The following CCDC102A variants were observed in gnomAD, a reference collection of about 807,000 sequenced individuals.
CCDC102A encodes the protein coiled-coil domain-containing protein 102A.
Under a neutral mutation model 55.5 loss-of-function variants are expected in CCDC102A, and 40 were observed. That is an observed-to-expected ratio of 0.72 (90% CI 0.56 to 0.94). The LOEUF (loss-of-function observed/expected upper bound fraction) is 0.94. CCDC102A is among the 40% of genes least tolerant of loss of function. The pLI, the probability that CCDC102A is intolerant of heterozygous loss-of-function variation, is 0.00. For synonymous variants in CCDC102A, 323 were observed against 339.0 expected (o/e 0.95, Z 0.52); for missense variants, 779 against 768.6 (o/e 1.01, Z -0.16).
rs1391176855 is a variant in CCDC102A at position 57,512,247 on chromosome 16, C to G, written c.*494G>C. 1 of 395,620 alleles carries G rather than the reference C, an allele frequency of 2.5e-6. No individual in the cohort carries two copies. Among genetic ancestry groups the G allele is most frequent in the Non-Finnish European group, 4.4e-6 (1 of 224,938 alleles). 24.5% of individuals were successfully genotyped at this position (395,620 alleles called of 1,614,324 possible). On this transcript the variant is annotated 3_prime_UTR_variant, in exon 9 of 9. Transcript: ENST00000258214. ...CTCTGGTTCAGCGTCAGGTGCAGGC[C>G]GATGCCGTCCCCCACAACCCCCGCC...
chr16:57,512,531 T>C lies in CCDC102A; in HGVS notation c.*210A>G, dbSNP rs72791604. ...CTGGGTGTGCGCGCGCGCGCGCGCG[T>C]GTGTGTATATATATATATAAAACAT... On this transcript the variant is annotated 3_prime_UTR_variant, in exon 9 of 9. Transcript: ENST00000258214. 6.0e-3 allele frequency: 3,021 copies of C among 500,766 alleles called. 6 individuals are homozygous for C. The highest frequency in any genetic ancestry group is 0.011 in the Middle Eastern group (22 of 1,926). 31.0% of individuals were successfully genotyped at this position (500,766 alleles called of 1,614,324 possible). A position where few individuals can be genotyped will look rare whatever the true frequency, so the allele number is the denominator to read the frequency against.
At chr16:57,521,477 T>C (rs1446316220) in intron 3 of CCDC102A, among the ~76,000 whole-genome samples, 1 of 152,232 alleles carries the variant, frequency 6.6e-6, no homozygotes, top group Non-Finnish European at 1.5e-5. Flanking sequence ...CAGGCTCATC[T>C]GAAAATGGCT....
chr16:57,516,586 C>T lies in CCDC102A; in HGVS notation c.1249-123G>A. On this transcript the variant is annotated intron_variant, in intron 6 of 8. Transcript: ENST00000258214. The surrounding 1 kb of genome is among the most constrained non-coding windows in gnomAD (Gnocchi z 4.4). ...GCTGGGTGTCTCTCCTTCCCAGAAT[C>T]TCTCCATCTGTTGTCTGAAGTATCA... 1.3e-6 allele frequency: 1 copy of T among 775,956 alleles called. No individual in the cohort carries two copies. The highest frequency in any genetic ancestry group is 2.2e-5 in the Admixed American group (1 of 46,286). 48.1% of individuals were successfully genotyped at this position (775,956 alleles called of 1,614,324 possible).
rs1295297729 is a variant in CCDC102A at position 57,512,789 on chromosome 16, T to C, written c.1605A>G (p.Gly535=). 6.2e-7 allele frequency: 1 copy of C among 1,614,188 alleles called. No individual in the cohort carries two copies. The highest frequency in any genetic ancestry group is 8.5e-7 in the Non-Finnish European group (1 of 1,179,996). ...ARFGTEEAED[G]TSDLDEDEDL... is the part of the protein sequence containing the mutation. ...CCTCGTCCTCGTCCAGGTCACTGGT[T>C]CCATCCTCGGCCTCCTCGGTGCCAA... is the stretch of plus-strand genomic sequence containing the variant. The change falls in exon 9 of 9, where the codon GGA becomes GGG. Residue 535 remains glycine, a synonymous_variant. Coordinates refer to ENST00000258214, the MANE Select transcript of CCDC102A (RefSeq NM_033212.4).
chr16:57,515,350 A>C lies in CCDC102A; in HGVS notation c.1514T>G (p.Leu505Arg). ...CCTGCCCGGGGCCCACCTGGACTGC[A>C]GGTGCTCCAGTTGCACTTGCAGGTT... ...SENLQVQLEH[L>R]QSRLRRQQQN... Residue 505 changes from leucine (L) to arginine (R), a missense_variant, in exon 8 of 9, where the codon CTG (leucine) becomes CGG (arginine). By Grantham distance (102) the Leu-to-Arg change is moderately radical. Transcript: ENST00000258214. 1 of 1,593,680 alleles carries C rather than the reference A, an allele frequency of 6.3e-7. No homozygotes were observed. The highest frequency in any genetic ancestry group is 8.6e-7 in the Non-Finnish European group (1 of 1,168,244).
Position 57,516,169 on chromosome 16 carries a change from C to G in CCDC102A, c.1419+124G>C. On this transcript the variant is annotated intron_variant, in intron 7 of 8. Transcript: ENST00000258214. This position sits in a 1 kb window ranked among gnomAD's most constrained non-coding sequence, Gnocchi z 4.4. The stretch of plus-strand genomic sequence containing the variant: ...CACCTACCCACTCTATCCTGGGCGA[C>G]TCCTGAGAGACAGGCTTGTGCCAGG... The G allele has an allele frequency of 1.1e-6, 1 of 947,830 alleles. No homozygotes were observed. Among genetic ancestry groups the G allele is most frequent in the Non-Finnish European group, 1.6e-6 (1 of 634,394 alleles). 58.7% of individuals were successfully genotyped at this position (947,830 alleles called of 1,614,324 possible). A position where few individuals can be genotyped will look rare whatever the true frequency, so the allele number is the denominator to read the frequency against.
chr16:57,526,013 G>A lies in CCDC102A; in HGVS notation c.700C>T (p.Arg234Cys), dbSNP rs769113206. ...GPRGSSGRQE[R>C]SRLPWEDTAA... ...GTGTCCTCCCAGGGTAGCCGGCTGC[G>A]CTCCTGGCGGCCTGAGCTGCCCCGC... The change falls in exon 3 of 9, where the codon CGC becomes TGC. Residue 234 changes from arginine to cysteine, a missense_variant. Coordinates refer to ENST00000258214, the MANE Select transcript of CCDC102A (RefSeq NM_033212.4). The A allele has an allele frequency of 2.6e-5, 42 of 1,604,650 alleles. No homozygotes were observed. The highest frequency in any genetic ancestry group is 5.5e-5 in the South Asian group (5 of 90,376).
chr16:57,527,512 C>T (rs56218071), intron 2 of CCDC102A, among the ~76,000 whole-genome samples: 8,846 of 149,068 alleles, frequency 0.059, 379 homozygotes, highest in East Asian at 0.19. Flanking sequence ...CTCCACCTCT[C>T]GGGTTAAAGC....
At chr16:57,526,975 C>T (rs1447612364) in intron 2 of CCDC102A, among the ~76,000 whole-genome samples, 2 of 152,214 alleles carry the variant, frequency 1.3e-5, no homozygotes, top group Admixed American at 6.5e-5. Context: ...AGACTGCAAG[C>T]CTAGGGCTCC....
intron 4 of CCDC102A, among the ~76,000 whole-genome samples, chr16:57,519,859 T>C (rs1306649511): frequency 1.3e-5 from 2 of 152,184 alleles, no homozygotes; most frequent in Non-Finnish European, 2.9e-5. Flanking sequence ...TCCAGGACAG[T>C]TTCAGGCTCT....
chr16:57,518,065 C>A lies in CCDC102A; in HGVS notation c.1248+3G>T, dbSNP rs2031985991. On this transcript the variant is annotated splice_donor_region_variant and intron_variant, in intron 6 of 8. Transcript: ENST00000258214. ...GCACTGGCCACTCCACTCCTTGCCC[C>A]ACCTTGTTCTTCTCGAAGAGCGCGG... is the stretch of plus-strand genomic sequence containing the variant. 6.3e-7 allele frequency: 1 copy of A among 1,590,614 alleles called. No homozygotes were observed. Among genetic ancestry groups the A allele is most frequent in the East Asian group, 2.2e-5 (1 of 44,516 alleles).
At chr16:57,536,010 A>G (rs1194637021) in intron 1 of CCDC102A, among the ~76,000 whole-genome samples, 3 of 152,116 alleles carry the variant, frequency 2.0e-5, no homozygotes, top group Non-Finnish European at 4.4e-5. Context: ...CCACCTAGCG[A>G]CGGGCGGAGG....
chr16:57,512,612 G>A lies in CCDC102A; in HGVS notation c.*129C>T. On this transcript the variant is annotated 3_prime_UTR_variant, in exon 9 of 9. Coordinates refer to ENST00000258214, the MANE Select transcript of CCDC102A (RefSeq NM_033212.4). ...GGGACTGTTGACGCCATCCCTGGGA[G>A]AGAAGAAAGTCGGCTGTGGCAGGGA... is the stretch of plus-strand genomic sequence containing the variant. 1.7e-6 allele frequency: 2 copies of A among 1,176,724 alleles called. No homozygotes were observed. Among genetic ancestry groups the A allele is most frequent in the Non-Finnish European group, 2.4e-6 (2 of 843,160 alleles). 72.9% of individuals were successfully genotyped at this position (1,176,724 alleles called of 1,614,324 possible).
chr16:57,515,260 T>G, intron 8 of CCDC102A, 81 bp downstream of exon 8: 1 of 870,710 alleles, frequency 1.1e-6, no homozygotes, highest in Non-Finnish European at 1.9e-6. Flanking sequence ...CCCTCCAGCC[T>G]TGGTTTGGGC....
intron 1 of CCDC102A, among the ~76,000 whole-genome samples, chr16:57,533,090 G>A (rs1394164112): frequency 6.6e-6 from 1 of 152,198 alleles, no homozygotes; most frequent in East Asian, 1.9e-4. Context: ...GTCTCTAATG[G>A]CTTCCAGGCA....
chr16:57,534,831 C>T (rs74488843), intron 1 of CCDC102A, among the ~76,000 whole-genome samples: 2 of 152,296 alleles, frequency 1.3e-5, no homozygotes, highest in Non-Finnish European at 2.9e-5. Context: ...GGTCATCTCA[C>T]GGCCAAGTCG....
intron 3 of CCDC102A, among the ~76,000 whole-genome samples, chr16:57,522,115 G>C (rs2032062691): frequency 6.6e-6 from 1 of 152,232 alleles, no homozygotes; most frequent in East Asian, 1.9e-4. Flanking sequence ...TCGGGGTAGA[G>C]ATGATCTGAG....
chr16:57,536,760 G>T (rs1343917935), upstream of CCDC102A, among the ~76,000 whole-genome samples: 2 of 152,152 alleles, frequency 1.3e-5, no homozygotes, highest in Non-Finnish European at 2.9e-5. Context: ...GGGCCGGGGC[G>T]GTGGGCTCTG....
At chr16:57,532,728 CACACACAG>C (rs1469939935) in intron 1 of CCDC102A, among the ~76,000 whole-genome samples, 2 of 147,976 alleles carry the variant, frequency 1.4e-5, no homozygotes, top group East Asian at 4.0e-4. Context: ...CACACACACA[CACACACAG>C]AGGCAGACAC....
Sources: gnomAD v4.1 joint callset for allele counts (sites outside exome capture counted in the v4.1 genomes callset) on GRCh38, gnomAD v4.1.1 for gene constraint, Gnocchi (gnomAD v3.1) non-coding constraint, MANE v1.5 for transcripts, NCBI Gene and HGNC (gene_info 2026-07-23, HGNC 2026-07-21) for gene names.